Variants in CCDC7 observed in about 807,000 individuals in gnomAD.
CCDC7 encodes coiled-coil domain containing 7.
In CCDC7, 183 loss-of-function variants were observed where a neutral mutation model predicts 196.9. The observed-to-expected ratio is 0.93, with a 90% confidence interval of 0.82 to 1.05. The LOEUF is 1.05. CCDC7 is among the 50% of genes least tolerant of loss of function. CCDC7 has a pLI of 0.00. For missense variants in CCDC7, 1,540 were observed against 1,482.2 expected, an observed-to-expected ratio of 1.04 and a Z score of -0.64; for synonymous variants, 525 against 484.6, an observed-to-expected ratio of 1.08 and a Z score of -1.10.
intron 28 of CCDC7, among the ~76,000 whole-genome samples, chr10:32,758,643 C>G (rs2076895982): frequency 6.6e-6 from 1 of 152,100 alleles, no homozygotes; most frequent in Non-Finnish European, 1.5e-5. Context: ...CAATATCATA[C>G]TGAATGGGCA....
At chr10:32,802,309 A>G (rs183308164) in intron 29 of CCDC7, among the ~76,000 whole-genome samples, 1 of 152,208 alleles carries the variant, frequency 6.6e-6, no homozygotes, top group Non-Finnish European at 1.5e-5. Flanking sequence ...AACTCCTTGC[A>G]TCTCTTGAGC....
At chr10:32,738,336 T>C (rs1014239517) in intron 28 of CCDC7, among the ~76,000 whole-genome samples, 1 of 152,160 alleles carries the variant, frequency 6.6e-6, no homozygotes, top group Non-Finnish European at 1.5e-5. Context: ...CTGCCTTTTG[T>C]CACTCATAAG....
intron 30 of CCDC7, among the ~76,000 whole-genome samples, chr10:32,806,477 T>C (rs1368759531): frequency 6.6e-6 from 1 of 152,116 alleles, no homozygotes; most frequent in Admixed American, 6.5e-5. Context: ...AAGGAAACCA[T>C]TCTTTAACAA....
intron 18 of CCDC7, among the ~76,000 whole-genome samples, chr10:32,587,218 G>T (rs567283943): frequency 6.6e-6 from 1 of 151,994 alleles, no homozygotes; most frequent in Admixed American, 6.6e-5. Context: ...CTCATTCCCC[G>T]CATTTTCCTC....
At chr10:32,467,359 G>A (rs748793631) in intron 5 of CCDC7, among the ~76,000 whole-genome samples, 20 of 151,610 alleles carry the variant, frequency 1.3e-4, no homozygotes, top group Non-Finnish European at 1.3e-4. Flanking sequence ...CAATCTGCCC[G>A]CCTCAGCCTC....
chr10:32,695,522 C>T (rs368794753), intron 24 of CCDC7, among the ~76,000 whole-genome samples: 64 of 152,080 alleles, frequency 4.2e-4, no homozygotes, highest in African/African-American at 1.4e-3. Context: ...TGAAGATGCC[C>T]GTTAAGGGAA....
At chr10:32,582,140 A>ATATATATATATATATATATATATAT (rs1177050764) in intron 16 of CCDC7, among the ~76,000 whole-genome samples, 5 of 128,570 alleles carry the variant, frequency 3.9e-5, no homozygotes, top group Admixed American at 7.6e-5. Flanking sequence ...ATATATATAT[A>ATATATATATATATATATATATATAT]CTTTTTTTTT....
In CCDC7 at chr10:32,820,056, T is replaced by C. The variant is rs559932591; in HGVS notation, c.3182-4462T>C. Among the ~76,000 whole-genome samples, 8 of 152,280 alleles carry C rather than the reference T, an allele frequency of 5.3e-5. No individual in the cohort carries two copies. The South Asian group carries it at 1.7e-3, about 32-fold the overall frequency. ...TGTTTGGAGATGACATGATTGTATA[T>C]CTAGAAAACCCCACTGTCTCAGTCC... On this transcript the variant is annotated intron_variant, in intron 31 of 41. Transcript: ENST00000639629.
At chr10:32,635,892 T>C (rs1205479803) in intron 20 of CCDC7, among the ~76,000 whole-genome samples, 1 of 152,180 alleles carries the variant, frequency 6.6e-6, no homozygotes, top group Non-Finnish European at 1.5e-5. Context: ...ATAATTTCTA[T>C]GTTTAAGTAT....
At chr10:32,537,761 A>C (rs1323679483) in intron 11 of CCDC7, among the ~76,000 whole-genome samples, 2 of 151,916 alleles carry the variant, frequency 1.3e-5, no homozygotes, top group African/African-American at 4.8e-5. Context: ...TCCTTTCTTC[A>C]TTGCTTGTTT....
chr10:32,700,881 C>T (rs1318594583), intron 24 of CCDC7, among the ~76,000 whole-genome samples: 1 of 152,028 alleles, frequency 6.6e-6, no homozygotes, highest in East Asian at 1.9e-4. Flanking sequence ...TATAAGAATA[C>T]TTGTGAGTTT....
At position 32,828,479 on chromosome 10, in the gene CCDC7, GGAAGAGGAAGAAGAAGAAGAAGAAGAA is replaced by G. The variant is rs1202082229; in HGVS notation, c.3268+3881_3268+3907del. 4.0e-3 allele frequency among the ~76,000 whole-genome samples: 245 copies of G among 61,572 alleles called. 2 individuals carry two copies. Among genetic ancestry groups the G allele is most frequent in the African/African-American group, 9.9e-3 (184 of 18,500 alleles). 40.4% of individuals were successfully genotyped at this position (61,572 alleles called of 152,430 possible). On this transcript the variant is annotated intron_variant, in intron 32 of 41. Coordinates refer to ENST00000639629, the Ensembl canonical transcript of CCDC7. ...AAGAAGAAGAAGAGGAAGAGGAAGA[GGAAGAGGAAGAAGAAGAAGAAGAAGAA>G]GAAGAAGAAGAAGAAGAAGAAGAAG...
At position 32,815,623 on chromosome 10, in the gene CCDC7, G is replaced by T. The variant is rs535536875; in HGVS notation, c.3181+1170G>T. Reference sequence around the variant, plus strand: ...GAATACTTTGAAAAATATTTACTAGGTAATATTAATCTATACATCTGAGTT... The same window carrying T: ...GAATACTTTGAAAAATATTTACTAGTTAATATTAATCTATACATCTGAGTT... On this transcript the variant is annotated intron_variant, in intron 31 of 41. Transcript: ENST00000639629. 2.6e-5 allele frequency among the ~76,000 whole-genome samples: 4 copies of T among 152,142 alleles called. No individual in the cohort carries two copies. In the South Asian group the frequency reaches 8.3e-4, roughly 32 times the overall value.
intron 16 of CCDC7, among the ~76,000 whole-genome samples, chr10:32,573,135 C>T (rs2057780003): frequency 6.6e-6 from 1 of 152,146 alleles, no homozygotes; most frequent in Non-Finnish European, 1.5e-5. Flanking sequence ...ACCTCGGACT[C>T]CCAAAGTGCT....
In CCDC7 at chr10:32,729,000, GA is replaced by G; in HGVS notation, c.2779+4del. ...TTCTGGAGTGGAAAGACACAAGAGTGAGTATAATAATTATCGATAACTTTAA... is the reference window on the plus strand; with the variant it reads ...TTCTGGAGTGGAAAGACACAAGAGTGGTATAATAATTATCGATAACTTTAA... On this transcript the variant is annotated splice_donor_region_variant and intron_variant, in intron 27 of 41. Coordinates refer to ENST00000639629, the Ensembl canonical transcript of CCDC7. 1.3e-6 allele frequency: 2 copies of G among 1,543,832 alleles called. No individual in the cohort carries two copies. Among genetic ancestry groups the G allele is most frequent in the Non-Finnish European group, 1.8e-6 (2 of 1,120,532 alleles).
intron 2 of CCDC7, among the ~76,000 whole-genome samples, chr10:32,454,080 A>T (rs975803479): frequency 6.6e-6 from 1 of 152,192 alleles, no homozygotes; most frequent in Non-Finnish European, 1.5e-5. Context: ...AAACATTAGG[A>T]TGTGGGGAAG....
At position 32,758,753 on chromosome 10, in the gene CCDC7, C is replaced by G. The variant is rs553364973; in HGVS notation, c.2906-20224C>G. Among the ~76,000 whole-genome samples the G allele has an allele frequency of 3.9e-5, 6 of 152,222 alleles. No homozygotes were observed. The East Asian group carries it at 7.7e-4, about 20-fold the overall frequency. ...TGTTGAAAGTTCTGGCCAGAGAAAT[C>G]AGGCAGGAGAAGGAAATAAAGGGTA... On this transcript the variant is annotated intron_variant, in intron 28 of 41. Coordinates refer to ENST00000639629, the Ensembl canonical transcript of CCDC7.
At chr10:32,469,932 G>T (rs190451868) in intron 5 of CCDC7, among the ~76,000 whole-genome samples, 1 of 152,252 alleles carries the variant, frequency 6.6e-6, no homozygotes, top group East Asian at 1.9e-4. Flanking sequence ...ATGAAGAATA[G>T]ATTTTTGAGA....
At chr10:32,621,442 G>A (rs918028588) in intron 18 of CCDC7, among the ~76,000 whole-genome samples, 2 of 152,104 alleles carry the variant, frequency 1.3e-5, no homozygotes, top group African/African-American at 4.8e-5. Flanking sequence ...CCCCAGAAAC[G>A]GAACCAATAG....
Sources: gnomAD v4.1 joint callset for allele counts (sites outside exome capture counted in the v4.1 genomes callset) on GRCh38, gnomAD v4.1.1 for gene constraint, MANE v1.5 for transcripts, NCBI Gene and HGNC (gene_info 2026-07-23, HGNC 2026-07-21) for gene names.